The following HMCN1 variants were observed in gnomAD, a reference collection of about 807,000 sequenced individuals.
The protein encoded by HMCN1 is hemicentin 1.
HMCN1 carries 321 observed loss-of-function variants against 625.9 expected under a neutral mutation model. The ratio of observed to expected loss-of-function variants is 0.51; its 90% CI spans 0.47 to 0.56. The LOEUF (loss-of-function observed/expected upper bound fraction) is 0.56, where lower values mean the gene tolerates loss of function less well. Among genes scored for constraint, HMCN1 ranks in the 20% least tolerant of loss-of-function variants. The pLI is 0.00. For missense variants in HMCN1, 6,588 were observed against 6,887.3 expected (o/e 0.96, Z 1.54); for synonymous variants, 2,425 against 2,417.6 (o/e 1.00, Z -0.09).
intron 1 of HMCN1, among the ~76,000 whole-genome samples, chr1:185,834,683 C>A (rs1450971995): frequency 6.6e-6 from 1 of 152,022 alleles, no homozygotes; most frequent in Non-Finnish European, 1.5e-5. Flanking sequence ...CAGCCTATAG[C>A]CAAGAGGAGG....
chr1:185,923,492 T>C lies in HMCN1; in HGVS notation c.1124T>C (p.Ile375Thr), dbSNP rs1187819671. The change falls in exon 8 of 107, where the codon ATT becomes ACT. Residue 375 changes from isoleucine to threonine, a missense_variant. By Grantham distance (89) the Ile-to-Thr change is moderately conservative. Coordinates refer to ENST00000271588, the MANE Select transcript of HMCN1 (RefSeq NM_031935.3). ...LSISGSSLKT[I>T]PVKYYPHRKP... ...ATCTCAGGAAGTTCTCTTAAGACTATTCCTGTTAAATATTACCCACATCGA... is the reference window on the plus strand; with the variant it reads ...ATCTCAGGAAGTTCTCTTAAGACTACTCCTGTTAAATATTACCCACATCGA... 2.5e-6 allele frequency: 4 copies of C among 1,612,006 alleles called. No homozygotes were observed. Among genetic ancestry groups the C allele is most frequent in the East Asian group, 2.2e-5 (1 of 44,758 alleles).
At chr1:185,886,233 A>C (rs1408313278) in intron 4 of HMCN1, among the ~76,000 whole-genome samples, 1 of 151,868 alleles carries the variant, frequency 6.6e-6, no homozygotes, top group Non-Finnish European at 1.5e-5. Flanking sequence ...AAAAGAGATG[A>C]GGGGAGTGGG....
In HMCN1 at chr1:185,754,827, A is replaced by T. The variant is rs57178766; in HGVS notation, c.268+19780A>T. 5.7e-3 allele frequency among the ~76,000 whole-genome samples: 865 copies of T among 152,292 alleles called. 3 individuals carry two copies. Among genetic ancestry groups the T allele is most frequent in the African/African-American group, 0.02 (830 of 41,558 alleles). On this transcript the variant is annotated intron_variant, in intron 1 of 106. Transcript: ENST00000271588. ...TGTGGCATTGTACTCCAGCCTGGGC[A>T]ACAGAGTGAGACCCTGTCTCAAAAA...
chr1:185,920,542 T>G (rs1261141075), intron 6 of HMCN1, among the ~76,000 whole-genome samples: 2 of 152,212 alleles, frequency 1.3e-5, no homozygotes, highest in Non-Finnish European at 2.9e-5. Flanking sequence ...TGGTGTGGTC[T>G]TTGAAGGATC....
At chr1:185,757,628 T>C (rs1655216312) in intron 1 of HMCN1, among the ~76,000 whole-genome samples, 1 of 152,040 alleles carries the variant, frequency 6.6e-6, no homozygotes, top group African/African-American at 2.4e-5. Flanking sequence ...CAATTATTAT[T>C]ATAATATATA....
intron 52 of HMCN1, among the ~76,000 whole-genome samples, chr1:186,072,231 A>C (rs1199792320): frequency 1.3e-5 from 2 of 152,212 alleles, no homozygotes; most frequent in African/African-American, 4.8e-5. Context: ...TCAAGAAAAG[A>C]AACACAAAAC....
chr1:186,018,270 A>G lies in HMCN1; in HGVS notation c.5388A>G (p.Gln1796=). The G allele has an allele frequency of 6.2e-7, 1 of 1,612,988 alleles. No individual in the cohort carries two copies. The highest frequency in any genetic ancestry group is 8.5e-7 in the Non-Finnish European group (1 of 1,179,160). The change falls in exon 34 of 107, where the codon CAA becomes CAG. Residue 1796 remains glutamine, a synonymous_variant. Coordinates refer to ENST00000271588, the MANE Select transcript of HMCN1 (RefSeq NM_031935.3). The part of the protein sequence containing the change: ...NGRKLVIAQA[Q]VSNTGLYRCM... Reference sequence around the variant, plus strand: ...GCAAACTGGTTATTGCTCAGGCTCAAGTGTCAAACACAGGCCTTTATCGGT... The same window carrying G: ...GCAAACTGGTTATTGCTCAGGCTCAGGTGTCAAACACAGGCCTTTATCGGT...
chr1:185,895,474 G>T (rs1665431498), intron 4 of HMCN1, among the ~76,000 whole-genome samples: 1 of 152,128 alleles, frequency 6.6e-6, no homozygotes, highest in South Asian at 2.1e-4. Flanking sequence ...TTTCTTAATT[G>T]TTCTAAAATT....
At chr1:185,794,379 A>G (rs1484070321) in intron 1 of HMCN1, among the ~76,000 whole-genome samples, 3 of 150,716 alleles carry the variant, frequency 2.0e-5, no homozygotes, top group Non-Finnish European at 4.4e-5. Flanking sequence ...ATTAAGGAGT[A>G]TTAACTCATA....
chr1:185,851,276 C>G (rs571290436), intron 2 of HMCN1, among the ~76,000 whole-genome samples: 2 of 151,976 alleles, frequency 1.3e-5, no homozygotes, highest in African/African-American at 4.8e-5. Flanking sequence ...AAAAAGAAAA[C>G]CTTTAAAAAT....
chr1:185,888,807 C>T (rs1423766551), intron 4 of HMCN1, among the ~76,000 whole-genome samples: 2 of 144,574 alleles, frequency 1.4e-5, no homozygotes, highest in East Asian at 3.9e-4. Context: ...TTTTTGGTTC[C>T]ATATGAACTT....
intron 100 of HMCN1, among the ~76,000 whole-genome samples, chr1:186,170,800 A>G (rs1652179579): frequency 6.6e-6 from 1 of 152,198 alleles, no homozygotes; most frequent in Non-Finnish European, 1.5e-5. Context: ...TCATGCCTGC[A>G]CACTGTTTTT....
intron 30 of HMCN1, among the ~76,000 whole-genome samples, chr1:186,011,979 C>A (rs2102117375): frequency 6.6e-6 from 1 of 152,282 alleles, no homozygotes; most frequent in Middle Eastern, 3.4e-3. Flanking sequence ...GAAACTTCAT[C>A]ACCACTAACG....
intron 52 of HMCN1, among the ~76,000 whole-genome samples, chr1:186,073,971 T>C (rs968008395): frequency 6.6e-6 from 1 of 151,524 alleles, no homozygotes; most frequent in Non-Finnish European, 1.5e-5. Context: ...AAGAAGGAGA[T>C]CAAGGAGCTA....
At chr1:185,812,473 T>C (rs1659586944) in intron 1 of HMCN1, among the ~76,000 whole-genome samples, 1 of 152,208 alleles carries the variant, frequency 6.6e-6, no homozygotes, top group Admixed American at 6.5e-5. Flanking sequence ...TGAAATGCCT[T>C]TTAGCTTTTT....
At chr1:185,956,652 G>T (rs72718862) in intron 11 of HMCN1, among the ~76,000 whole-genome samples, 1,945 of 152,096 alleles carry the variant, frequency 0.013, 22 homozygotes, top group Middle Eastern at 0.041. Context: ...TTATGGAGAT[G>T]TCCTTCTGTA....
intron 11 of HMCN1, among the ~76,000 whole-genome samples, 158 bp from the exon 12 acceptor site, chr1:185,962,360 C>T (rs1291754596): frequency 1.3e-5 from 2 of 152,100 alleles, no homozygotes; most frequent in Admixed American, 6.6e-5. Flanking sequence ...GTTTTCATTA[C>T]CATTGGTTTC....
chr1:185,989,159 C>T (rs1284299547), intron 20 of HMCN1, among the ~76,000 whole-genome samples: 2 of 151,896 alleles, frequency 1.3e-5, no homozygotes, highest in East Asian at 1.9e-4. Flanking sequence ...AGGTGCCTGC[C>T]ACCTCGCCCG....
chr1:186,000,246 G>A lies in HMCN1; in HGVS notation c.4069+7G>A, dbSNP rs764854329. On this transcript the variant is annotated splice_region_variant and intron_variant, in intron 26 of 106. Transcript: ENST00000271588. Reference sequence around the variant, plus strand: ...TATAACCTCAAAGTCCATGGTAAATGTAGCTAAAATCATGTAACTGACTGT... The same window carrying A: ...TATAACCTCAAAGTCCATGGTAAATATAGCTAAAATCATGTAACTGACTGT... The A allele has an allele frequency of 3.1e-6, 5 of 1,607,326 alleles. No homozygotes were observed. Among genetic ancestry groups the A allele is most frequent in the East Asian group, 2.2e-5 (1 of 44,742 alleles).
Sources: gnomAD v4.1 joint callset for allele counts (sites outside exome capture counted in the v4.1 genomes callset) on GRCh38, gnomAD v4.1.1 for gene constraint, MANE v1.5 for transcripts, NCBI Gene and HGNC (gene_info 2026-07-23, HGNC 2026-07-21) for gene names.